ARHGEF3: variants seen among roughly 807,000 people sequenced by gnomAD.
The protein encoded by ARHGEF3 is Rho guanine nucleotide exchange factor 3.
Under a neutral mutation model 63.2 loss-of-function variants are expected in ARHGEF3, and 28 were observed. The ratio of observed to expected loss-of-function variants is 0.44; its 90% CI spans 0.33 to 0.61. The LOEUF is 0.61. ARHGEF3 is among the 20% of genes least tolerant of loss of function. The pLI is 0.03. For missense variants in ARHGEF3, 533 were observed against 659.3 expected (o/e 0.81, Z 2.10); for synonymous variants, 266 against 254.2 (o/e 1.05, Z -0.44).
chr3:57,070,542 AC>A (rs1705828701), intron 1 of ARHGEF3, among the ~76,000 whole-genome samples: 1 of 152,090 alleles, frequency 6.6e-6, no homozygotes, highest in Non-Finnish European at 1.5e-5. Flanking sequence ...AGATGGCAAA[AC>A]TCCCCAAGTG....
intron 3 of ARHGEF3, among the ~76,000 whole-genome samples, chr3:56,896,895 A>C (rs918839513): frequency 1.3e-5 from 2 of 152,232 alleles, no homozygotes; most frequent in Non-Finnish European, 1.5e-5. Context: ...ACATTGGCTT[A>C]GACTATTTAG....
chr3:56,757,968 C>T (rs1000801114), intron 2 of ARHGEF3, among the ~76,000 whole-genome samples: 73 of 150,826 alleles, frequency 4.8e-4, no homozygotes, highest in African/African-American at 1.4e-3. Flanking sequence ...GTGATCCGCC[C>T]GCCTCGGCCT....
At chr3:56,956,838 T>G (rs1700064995) in intron 3 of ARHGEF3, among the ~76,000 whole-genome samples, 2 of 152,230 alleles carry the variant, frequency 1.3e-5, no homozygotes, top group Non-Finnish European at 1.5e-5. Context: ...CTAATTTCTC[T>G]ATAGTTCAAA....
chr3:56,770,133 C>A (rs1316046785), intron 2 of ARHGEF3, among the ~76,000 whole-genome samples: 12 of 152,178 alleles, frequency 7.9e-5, no homozygotes, highest in Admixed American at 7.9e-4. Context: ...TAGCATCCAG[C>A]CAGGTGCAGT....
At chr3:56,759,942 T>C (rs536957801) in intron 2 of ARHGEF3, among the ~76,000 whole-genome samples, 49 of 152,328 alleles carry the variant, frequency 3.2e-4, no homozygotes, top group Admixed American at 7.2e-4. Context: ...AACATTTCCA[T>C]TACCTCAAAT....
chr3:56,949,355 T>C (rs1265477227), intron 3 of ARHGEF3, among the ~76,000 whole-genome samples: 1 of 151,926 alleles, frequency 6.6e-6, no homozygotes, highest in South Asian at 2.1e-4. Context: ...TGTTTGCAGA[T>C]GACATGATTG....
At chr3:56,811,993 C>T (rs994081068) in intron 4 of ARHGEF3, among the ~76,000 whole-genome samples, 1 of 152,198 alleles carries the variant, frequency 6.6e-6, no homozygotes, top group African/African-American at 2.4e-5. Flanking sequence ...CACTGCCTGG[C>T]TGCAAGCTAC....
intron 3 of ARHGEF3, among the ~76,000 whole-genome samples, chr3:56,910,040 G>A (rs775661831): frequency 3.9e-5 from 6 of 152,058 alleles, no homozygotes; most frequent in Non-Finnish European, 7.4e-5. Flanking sequence ...GCCAACTTGC[G>A]CACTTATAAG....
chr3:56,804,522 C>T (rs185272065), upstream of ARHGEF3, among the ~76,000 whole-genome samples: 248 of 152,278 alleles, frequency 1.6e-3, no homozygotes, highest in Admixed American at 3.0e-3. Context: ...CCTTTGGAGG[C>T]AGAAAGAATT....
At chr3:56,851,272 C>G (rs1344108731) in intron 4 of ARHGEF3, among the ~76,000 whole-genome samples, 2 of 152,136 alleles carry the variant, frequency 1.3e-5, no homozygotes, top group Non-Finnish European at 2.9e-5. Context: ...GTGGATTCAG[C>G]TTGAACCTCA....
intron 1 of ARHGEF3, chr3:57,073,826 C>T: frequency 6.2e-7 from 1 of 1,614,208 alleles, no homozygotes; most frequent in South Asian, 1.1e-5. Flanking sequence ...CCCAACATCC[C>T]AACAAACCCC....
At chr3:56,792,687 T>C (rs1203263803) in intron 1 of ARHGEF3, among the ~76,000 whole-genome samples, 3 of 152,254 alleles carry the variant, frequency 2.0e-5, no homozygotes. Context: ...TGGCTATTAT[T>C]GCAAATAATG....
intron 2 of ARHGEF3, among the ~76,000 whole-genome samples, chr3:56,771,113 C>CA (rs201889173): frequency 0.012 from 1,483 of 123,266 alleles, 16 homozygotes; most frequent in Non-Finnish European, 0.017. Flanking sequence ...AACTCCATCT[C>CA]AAAAAAAAAA....
At chr3:56,916,192 C>G in intron 3 of ARHGEF3, 1 of 1,339,728 alleles carries the variant, frequency 7.5e-7, no homozygotes, top group Non-Finnish European at 9.9e-7. Context: ...TGATCAGTTT[C>G]TTGGAAGGTA....
rs1365567655 is a variant in ARHGEF3 at position 56,729,199 on chromosome 3, G to A, written c.*71C>T. On this transcript the variant is annotated 3_prime_UTR_variant, in exon 10 of 10. Coordinates refer to ENST00000296315, the MANE Select transcript of ARHGEF3 (RefSeq NM_019555.3). ...GTATGAAAAAGTGCTTCTCCAAACCGTTCCATCTGTGGAATGCAAATACTG... is the reference window on the plus strand; with the variant it reads ...GTATGAAAAAGTGCTTCTCCAAACCATTCCATCTGTGGAATGCAAATACTG... 1.8e-5 allele frequency: 25 copies of A among 1,383,680 alleles called. No homozygotes were observed. The highest frequency in any genetic ancestry group is 4.4e-5 in the African/African-American group (3 of 68,318). 85.7% of individuals were successfully genotyped at this position (1,383,680 alleles called of 1,614,324 possible).
intron 4 of ARHGEF3, among the ~76,000 whole-genome samples, chr3:56,839,040 G>C (rs1307833118): frequency 6.6e-6 from 1 of 152,160 alleles, no homozygotes; most frequent in Non-Finnish European, 1.5e-5. Flanking sequence ...TCAGGAGGCT[G>C]AGGTGGGAAG....
chr3:56,904,543 A>T (rs1001654653), intron 3 of ARHGEF3, among the ~76,000 whole-genome samples: 3 of 152,218 alleles, frequency 2.0e-5, no homozygotes, highest in Admixed American at 6.5e-5. Context: ...ATATTTTAAT[A>T]AAAATTAACT....
intron 3 of ARHGEF3, among the ~76,000 whole-genome samples, chr3:56,896,069 T>C (rs975059298): frequency 1.3e-5 from 2 of 152,230 alleles, no homozygotes; most frequent in South Asian, 2.1e-4. Flanking sequence ...GAGAGTATAT[T>C]AGATTCCCTG....
At chr3:56,822,843 GACTCTGAAAAA>G (rs760567543) in intron 4 of ARHGEF3, among the ~76,000 whole-genome samples, 1 of 67,766 alleles carries the variant, frequency 1.5e-5, no homozygotes, top group Non-Finnish European at 2.8e-5. Flanking sequence ...GACAGAGTAA[GACTCTGAAAAA>G]AAAAAAAAAA....
Sources: gnomAD v4.1 joint callset for allele counts (sites outside exome capture counted in the v4.1 genomes callset) on GRCh38, gnomAD v4.1.1 for gene constraint, MANE v1.5 for transcripts, NCBI Gene and HGNC (gene_info 2026-07-23, HGNC 2026-07-21) for gene names.